Variants in FHIT observed in about 807,000 individuals in gnomAD.
FHIT encodes bis(5'-adenosyl)-triphosphatase.
Under a neutral mutation model 17.9 loss-of-function variants are expected in FHIT, and 19 were observed. The observed-to-expected ratio is 1.06, with a 90% confidence interval of 0.74 to 1.56. The LOEUF (loss-of-function observed/expected upper bound fraction) is 1.56. Among genes scored for constraint, FHIT ranks in the 40% most tolerant of loss-of-function variants. The pLI is 0.00. For synonymous variants in FHIT, 81 were observed against 69.7 expected (o/e 1.16, Z -0.81); for missense variants, 248 against 189.2 (o/e 1.31, Z -1.82).
rs562962732 is a variant in FHIT, at chr3:60,555,433, T to C, written c.-17-18454A>G. Among the ~76,000 whole-genome samples the C allele has an allele frequency of 2.0e-5, 3 of 152,354 alleles. No homozygotes were observed. The East Asian group carries it at 5.8e-4, about 29-fold the overall frequency. ...TTTAAATGAATCAAGTCTTGACTCT[T>C]CTTCCACCATCATGGGTTTTACAGA... On this transcript the variant is annotated intron_variant, in intron 4 of 9. Transcript: ENST00000492590.
intron 5 of FHIT, among the ~76,000 whole-genome samples, chr3:60,531,272 CTCTTT>C (rs2035768752): frequency 8.3e-6 from 1 of 120,646 alleles, no homozygotes; most frequent in African/African-American, 3.0e-5. Context: ...TTGAAAAGAA[CTCTTT>C]TTTTTTTTTT....
At chr3:60,347,718 C>T (rs11920482) in intron 5 of FHIT, among the ~76,000 whole-genome samples, 78,173 of 132,006 alleles carry the variant, frequency 0.59, 24,221 homozygotes, top group African/African-American at 0.77. Flanking sequence ...TTGTTTTGTA[C>T]ACACTTTTGT....
intron 5 of FHIT, among the ~76,000 whole-genome samples, chr3:60,129,119 C>T (rs994717699): frequency 1.5e-5 from 2 of 134,882 alleles, no homozygotes; most frequent in Non-Finnish European, 1.5e-5. Flanking sequence ...GTGGCGCAAT[C>T]TTGGCTCACT....
At chr3:59,929,115 A>C (rs1184677608) in intron 7 of FHIT, among the ~76,000 whole-genome samples, 1 of 151,876 alleles carries the variant, frequency 6.6e-6, no homozygotes, top group African/African-American at 2.4e-5. Flanking sequence ...GCTTTAGAAA[A>C]GTTTCTGCAG....
intron 7 of FHIT, among the ~76,000 whole-genome samples, chr3:59,955,522 T>C (rs650697): frequency 6.6e-6 from 1 of 152,180 alleles, no homozygotes; most frequent in Non-Finnish European, 1.5e-5. Flanking sequence ...TTTATATCCC[T>C]AGCTCCCACT....
intron 5 of FHIT, among the ~76,000 whole-genome samples, chr3:60,315,472 A>T (rs947565634): frequency 6.6e-6 from 1 of 152,166 alleles, no homozygotes; most frequent in African/African-American, 2.4e-5. Flanking sequence ...CACAAATAAG[A>T]AACCAGTATC....
intron 5 of FHIT, among the ~76,000 whole-genome samples, chr3:60,469,084 G>C (rs559112820): frequency 1.3e-5 from 2 of 151,950 alleles, no homozygotes; most frequent in Admixed American, 1.3e-4. Flanking sequence ...GCTGCTTTTA[G>C]GATCCTTTCT....
At chr3:60,390,376 C>A (rs1423743700) in intron 5 of FHIT, among the ~76,000 whole-genome samples, 1 of 125,372 alleles carries the variant, frequency 8.0e-6, no homozygotes. Context: ...GACAGTGGTC[C>A]CTTAAGATTG....
chr3:61,241,461 A>G (rs1400958714), intron 1 of FHIT, among the ~76,000 whole-genome samples: 1 of 152,184 alleles, frequency 6.6e-6, no homozygotes, highest in Admixed American at 6.5e-5. Flanking sequence ...TGGGAAGAAG[A>G]CTTCTCAGAA....
chr3:60,202,162 T>C (rs1447120094), intron 5 of FHIT, among the ~76,000 whole-genome samples: 2 of 152,230 alleles, frequency 1.3e-5, no homozygotes, highest in Non-Finnish European at 2.9e-5. Context: ...GGAATTTTAG[T>C]CAAGACTTCG....
At chr3:60,985,708 T>C (rs1218947282) in intron 3 of FHIT, among the ~76,000 whole-genome samples, 1 of 152,222 alleles carries the variant, frequency 6.6e-6, no homozygotes, top group Non-Finnish European at 1.5e-5. Flanking sequence ...AATTATGGCC[T>C]GAGATTTTGC....
chr3:60,322,393 A>G (rs993618793), intron 5 of FHIT, among the ~76,000 whole-genome samples: 1 of 152,194 alleles, frequency 6.6e-6, no homozygotes, highest in African/African-American at 2.4e-5. Context: ...TTGTTATTAT[A>G]CCCAATTACA....
chr3:59,870,858 T>TGTGTGTGTGTGTGTGC, intron 8 of FHIT, among the ~76,000 whole-genome samples: 1 of 102,478 alleles, frequency 9.8e-6, no homozygotes, highest in Non-Finnish European at 2.4e-5. Flanking sequence ...GTAAAGGGCG[T>TGTGTGTGTGTGTGTGC]GTGTGTGTGT....
intron 5 of FHIT, among the ~76,000 whole-genome samples, chr3:60,192,352 A>G (rs924334758): frequency 2.6e-4 from 39 of 152,284 alleles, no homozygotes; most frequent in African/African-American, 8.9e-4. Context: ...CAAGGAGACA[A>G]ATGCAGATGT....
chr3:60,603,027 G>C (rs2038495830), intron 4 of FHIT, among the ~76,000 whole-genome samples: 1 of 152,128 alleles, frequency 6.6e-6, no homozygotes, highest in Non-Finnish European at 1.5e-5. Context: ...TGCTACAGCA[G>C]CCCAAACAGA....
intron 4 of FHIT, among the ~76,000 whole-genome samples, chr3:60,649,840 G>T (rs1256187453): frequency 6.6e-6 from 1 of 152,128 alleles, no homozygotes; most frequent in Non-Finnish European, 1.5e-5. Flanking sequence ...CTTGAATACA[G>T]TAGGAAGGAT....
chr3:60,797,632 G>A (rs1327816633), intron 4 of FHIT, among the ~76,000 whole-genome samples: 2 of 150,508 alleles, frequency 1.3e-5, no homozygotes, highest in Admixed American at 6.7e-5. Flanking sequence ...ATTATTAAAC[G>A]ATTGATGCTA....
At chr3:60,066,123 C>A (rs1196454854) in intron 5 of FHIT, among the ~76,000 whole-genome samples, 1 of 152,090 alleles carries the variant, frequency 6.6e-6, no homozygotes, top group Non-Finnish European at 1.5e-5. Flanking sequence ...GACATTGACA[C>A]AGTCTAGGAT....
chr3:60,350,888 C>A (rs1306857675), intron 5 of FHIT, among the ~76,000 whole-genome samples: 1 of 152,156 alleles, frequency 6.6e-6, no homozygotes, highest in Non-Finnish European at 1.5e-5. Flanking sequence ...CTCCATCTTG[C>A]TAGCAAACTC....
Sources: gnomAD v4.1 joint callset for allele counts (sites outside exome capture counted in the v4.1 genomes callset) on GRCh38, gnomAD v4.1.1 for gene constraint, MANE v1.5 for transcripts, NCBI Gene and HGNC (gene_info 2026-07-23, HGNC 2026-07-21) for gene names.